LARS1: variants seen among roughly 807,000 people sequenced by gnomAD.
LARS1 encodes the protein leucine--tRNA ligase, cytoplasmic.
LARS1 carries 100 observed loss-of-function variants against 162.8 expected under a neutral mutation model. The ratio of observed to expected loss-of-function variants is 0.61; its 90% CI spans 0.52 to 0.73. The LOEUF (loss-of-function observed/expected upper bound fraction) is 0.73, where lower values mean the gene tolerates loss of function less well. LARS1 is among the 30% of genes least tolerant of loss of function. The pLI is 0.00. For missense variants in LARS1, 1,258 were observed against 1,408.9 expected, an observed-to-expected ratio of 0.89 and a Z score of 1.71; for synonymous variants, 457 against 462.8, an observed-to-expected ratio of 0.99 and a Z score of 0.16.
chr5:146,168,268 A>G lies in LARS1; in HGVS notation c.295-3T>C, dbSNP rs1754110045. 1 of 1,602,084 alleles carries G rather than the reference A, an allele frequency of 6.2e-7. No individual in the cohort carries two copies. Among genetic ancestry groups the G allele is most frequent in the Non-Finnish European group, 8.5e-7 (1 of 1,176,998 alleles). On this transcript the variant is annotated splice_polypyrimidine_tract_variant and splice_region_variant and intron_variant, in intron 4 of 31. Transcript: ENST00000394434. Reference sequence around the variant, plus strand: ...CTTTTCAACTTATCAGCACATGCCTACAACGAATATTAGAGATAATGAAGT... The same window carrying G: ...CTTTTCAACTTATCAGCACATGCCTGCAACGAATATTAGAGATAATGAAGT...
intron 30 of LARS1, among the ~76,000 whole-genome samples, chr5:146,122,206 C>T (rs565079070): frequency 3.3e-5 from 5 of 152,158 alleles, no homozygotes; most frequent in African/African-American, 1.2e-4. Flanking sequence ...TAAATAAAAA[C>T]CAGATTTTGA....
chr5:146,168,041 T>C, intron 5 of LARS1, 87 bp downstream of exon 5: 1 of 1,112,910 alleles, frequency 9.0e-7, no homozygotes, highest in African/African-American at 1.6e-5. Flanking sequence ...ATTTTATGTG[T>C]TGGGCACTGT....
In LARS1 at chr5:146,149,624, C is replaced by T. The variant is rs139960441; in HGVS notation, c.1501G>A (p.Ala501Thr). 137 of 1,607,996 alleles carry T rather than the reference C, an allele frequency of 8.5e-5. No homozygotes were observed. The African/African-American group carries it at 1.4e-3, about 17-fold the overall frequency. Residue 501 changes from alanine to threonine, a missense_variant and splice_region_variant, in exon 15 of 32, where the codon GCT becomes ACT. Ala to Thr is a moderately conservative substitution (Grantham distance 58). Transcript: ENST00000394434. Reference sequence around the variant, plus strand: ...TCAGAGCATAGCCTATCACATACAGCGTCAATCATCTTTTTCTGAATAGTC... The same window carrying T: ...TCAGAGCATAGCCTATCACATACAGTGTCAATCATCTTTTTCTGAATAGTC... Reference protein sequence around the residue: ...KKTIQKKMIDAGDALIYMEPE... With the variant: ...KKTIQKKMIDTGDALIYMEPE...
chr5:146,181,608 C>T (rs959662733), intron 1 of LARS1, among the ~76,000 whole-genome samples: 3 of 151,966 alleles, frequency 2.0e-5, no homozygotes, highest in Non-Finnish European at 4.4e-5. Context: ...GCCATGATCA[C>T]GCCACTGCAT....
At chr5:146,169,344 C>T (rs1201187644) in intron 4 of LARS1, among the ~76,000 whole-genome samples, 1 of 152,042 alleles carries the variant, frequency 6.6e-6, no homozygotes, top group Non-Finnish European at 1.5e-5. Context: ...ACCAAGTAAA[C>T]ACTGTTAAAG....
At chr5:146,128,933 C>T (rs749875696) in intron 26 of LARS1, 45 bp downstream of exon 26, 1 of 1,514,076 alleles carries the variant, frequency 6.6e-7, no homozygotes, top group South Asian at 1.2e-5. Context: ...TGATCAATAA[C>T]TTTTAAGGAA....
chr5:146,143,111 TTA>T (rs3840516), intron 19 of LARS1, 27 bp from the exon 20 acceptor site: 447 of 1,077,986 alleles, frequency 4.1e-4, no homozygotes, highest in Middle Eastern at 7.8e-4. Flanking sequence ...ACAAACTATT[TTA>T]TATATATATA....
At chr5:146,167,818 C>T (rs1462673754) in intron 5 of LARS1, among the ~76,000 whole-genome samples, 3 of 151,406 alleles carry the variant, frequency 2.0e-5, no homozygotes, top group Non-Finnish European at 4.4e-5. Context: ...CGTGAGCCAC[C>T]GCGCCCGGCC....
intron 6 of LARS1, among the ~76,000 whole-genome samples, chr5:146,162,027 C>T (rs1220109553): frequency 6.6e-6 from 1 of 152,194 alleles, no homozygotes; most frequent in Non-Finnish European, 1.5e-5. Flanking sequence ...ACCACATCTG[C>T]AGTAACCTCC....
chr5:146,151,783 T>G, intron 14 of LARS1, 79 bp downstream of exon 14: 1 of 1,304,368 alleles, frequency 7.7e-7, no homozygotes, highest in Non-Finnish European at 1.1e-6. Context: ...TATGTTAAAT[T>G]TTTCTACATT....
chr5:146,145,483 C>G (rs1008189222), intron 15 of LARS1, among the ~76,000 whole-genome samples: 1 of 151,962 alleles, frequency 6.6e-6, no homozygotes, highest in African/African-American at 2.4e-5. Flanking sequence ...TTTATAGTGC[C>G]ATGAAAAATT....
In LARS1 at chr5:146,114,088, T is replaced by C. The variant is rs1338448468; in HGVS notation, c.*18A>G. On this transcript the variant is annotated 3_prime_UTR_variant, in exon 32 of 32. Transcript: ENST00000394434. ...AGTATTCCTAAGAAACCAGGATAAA[T>C]CTCCAATGTGCATGAGTTTAATGAA... 5 of 1,587,108 alleles carry C rather than the reference T, an allele frequency of 3.2e-6. No homozygotes were observed. The highest frequency in any genetic ancestry group is 4.3e-6 in the Non-Finnish European group (5 of 1,156,894).
intron 5 of LARS1, among the ~76,000 whole-genome samples, chr5:146,165,063 C>T (rs1753941266): frequency 6.6e-6 from 1 of 152,152 alleles, no homozygotes; most frequent in South Asian, 2.1e-4. Context: ...GGGCCTGGCA[C>T]AGTAGCTCAC....
rs202231403 is a variant in LARS1 at position 146,161,753 on chromosome 5, C to CAAAA, written c.595-1271_595-1268dup. On this transcript the variant is annotated intron_variant, in intron 6 of 31. Transcript: ENST00000394434. ...GGGCAACAAGAGCAAAACTCCATCTCAAAAAAAAAAAAAAAATTTGGAGTG... is the reference window on the plus strand; with the variant it reads ...GGGCAACAAGAGCAAAACTCCATCTCAAAAAAAAAAAAAAAAAAAATTTGGAGTG... Among the ~76,000 whole-genome samples, 106 of 130,262 alleles carry CAAAA rather than the reference C, an allele frequency of 8.1e-4. 2 individuals carry two copies. Among genetic ancestry groups the CAAAA allele is most frequent in the South Asian group, 4.5e-3 (18 of 3,962 alleles). The allele number at this position is 130,262 out of a possible 152,430, so 85.5% of individuals were successfully genotyped here. A position where few individuals can be genotyped will look rare whatever the true frequency, so the allele number is the denominator to read the frequency against.
In LARS1 at chr5:146,120,508, G is replaced by GA. The variant is rs775036899; in HGVS notation, c.3193-6dup. On this transcript the variant is annotated splice_region_variant and splice_polypyrimidine_tract_variant and intron_variant, in intron 30 of 31. Coordinates refer to ENST00000394434, the MANE Select transcript of LARS1 (RefSeq NM_020117.11). ...CAGAGAAACGGACACACCAGGCTAG[G>GA]AAAACAACAAGAAAATGATTGTTTA... 1 of 1,607,422 alleles carries GA rather than the reference G, an allele frequency of 6.2e-7. No individual in the cohort carries two copies. The highest frequency in any genetic ancestry group is 1.1e-5 in the South Asian group (1 of 89,718).
intron 27 of LARS1, among the ~76,000 whole-genome samples, chr5:146,128,435 A>T (rs1328644419): frequency 1.3e-5 from 2 of 152,102 alleles, no homozygotes. Flanking sequence ...GATTACATTC[A>T]ACTAGATCCA....
chr5:146,116,273 T>C (rs138313142), intron 31 of LARS1, among the ~76,000 whole-genome samples: 706 of 152,280 alleles, frequency 4.6e-3, no homozygotes, highest in Admixed American at 0.01. Context: ...GTACCAAATA[T>C]TTTGCTATAG....
At chr5:146,123,613 A>C (rs1751921382) in intron 29 of LARS1, among the ~76,000 whole-genome samples, 1 of 151,722 alleles carries the variant, frequency 6.6e-6, no homozygotes, top group African/African-American at 2.4e-5. Flanking sequence ...AATTCTGCAA[A>C]TCAAAAGGGA....
At chr5:146,178,942 A>AT (rs1418900322) in intron 1 of LARS1, among the ~76,000 whole-genome samples, 1 of 151,666 alleles carries the variant, frequency 6.6e-6, no homozygotes, top group Non-Finnish European at 1.5e-5. Context: ...AAGAAAAACA[A>AT]TTTTTTTGGC....
Sources: allele counts gnomAD v4.1 joint callset (sites outside exome capture counted in the v4.1 genomes callset), GRCh38; gene constraint gnomAD v4.1.1; transcripts MANE v1.5; gene names NCBI Gene and HGNC (gene_info 2026-07-23, HGNC 2026-07-21).